TBC1D25: variants seen among roughly 807,000 people sequenced by gnomAD.
The protein encoded by TBC1D25 is TBC1 domain family member 25, also known as 5SN3 snoRNA.
A neutral mutation model predicts 38.8 loss-of-function variants in TBC1D25; 13 were observed. The observed-to-expected ratio is 0.34, with a 90% CI of 0.22 to 0.53. The LOEUF (loss-of-function observed/expected upper bound fraction) is 0.53, where lower values mean the gene tolerates loss of function less well. TBC1D25 is among the 20% of genes least tolerant of loss of function. The probability of loss-of-function intolerance (pLI) is 0.94; values close to 1 mark genes in which losing one functional copy is unlikely to be tolerated. For missense variants in TBC1D25, 372 were observed against 600.0 expected (o/e 0.62, Z 3.97); for synonymous variants, 225 against 255.6 (o/e 0.88, Z 1.14).
At chrX:48,541,240 ACCTCTCTGACTTTG>A in intron 1 of TBC1D25, 79 bp from the exon 2 acceptor site, 2 of 752,598 alleles carry the variant, frequency 2.7e-6, no homozygotes, top group Non-Finnish European at 2.1e-6. Context: ...GGCCCCTGGC[ACCTCTCTGACTTTG>A]CCTTCTACCA....
chrX:48,546,498 G>A (rs1410813261), intron 3 of TBC1D25, among the ~76,000 whole-genome samples: 1 of 111,199 alleles, frequency 9.0e-6, no homozygotes, highest in Non-Finnish European at 1.9e-5. Flanking sequence ...GGGCAACAGA[G>A]CAAGACTCCA....
chrX:48,560,676 C>G lies in TBC1D25; in HGVS notation c.1768C>G (p.Pro590Ala). 8.3e-7 allele frequency: 1 copy of G among 1,211,768 alleles called. No homozygotes were observed. The highest frequency in any genetic ancestry group is 1.1e-6 in the Non-Finnish European group (1 of 895,494). ...CCCCTTGATGCAAGAGGTAGGCTCCCCGAAAGACCCTGGAAAGTCCCTGCC... is the reference window on the plus strand; with the variant it reads ...CCCCTTGATGCAAGAGGTAGGCTCCGCGAAAGACCCTGGAAAGTCCCTGCC... ...GSPLMQEVGS[P>A]KDPGKSLPPV... The change falls in exon 6 of 6, where the codon CCG becomes GCG. Residue 590 changes from proline to alanine, a missense_variant. By Grantham distance (27) the Pro-to-Ala change is conservative (BLOSUM62 -1). Around this residue, in one of 2 missense-constraint regions of TBC1D25, gnomAD observed 312 missense variants for 549.3 expected, o/e 0.57. Transcript: ENST00000376771.
At chrX:48,557,764 G>T (rs58590285) in intron 3 of TBC1D25, among the ~76,000 whole-genome samples, 13,998 of 104,787 alleles carry the variant, frequency 0.13, 2,112 homozygotes, top group African/African-American at 0.43. Context: ...AGCCAAGATT[G>T]CACCACTGCA....
intron 3 of TBC1D25, among the ~76,000 whole-genome samples, chrX:48,550,486 T>G (rs2061921678): frequency 9.1e-6 from 1 of 109,575 alleles, no homozygotes; most frequent in African/African-American, 3.3e-5. Context: ...CAAATTTTTT[T>G]TTTTTTTTGA....
At position 48,559,334 on chromosome X, in the gene TBC1D25, C is replaced by T. The variant is rs782238228; in HGVS notation, c.693C>T (p.Pro231=). The T allele has an allele frequency of 1.7e-6, 2 of 1,208,112 alleles. No homozygotes were observed. Among genetic ancestry groups the T allele is most frequent in the Non-Finnish European group, 2.2e-6 (2 of 893,707 alleles). Residue 231 remains proline (P), a synonymous_variant, in exon 5 of 6, where the codon CCC becomes CCT. Transcript: ENST00000376771. ...RLRIYHGGVE[P]SLRKVVWRYL... is the part of the protein sequence containing the mutation. The stretch of plus-strand genomic sequence containing the variant: ...GGATCTATCATGGCGGTGTGGAGCC[C>T]TCGCTGCGAAAGGTGAGCATCCTCA...
intron 1 of TBC1D25, among the ~76,000 whole-genome samples, 172 bp downstream of exon 1, chrX:48,540,092 C>T (rs1371464713): frequency 6.4e-5 from 7 of 110,168 alleles, no homozygotes; most frequent in African/African-American, 2.3e-4. Flanking sequence ...AGCCTGAGAG[C>T]GTTAGCGACG....
At chrX:48,557,848 G>A (rs782721435) in intron 3 of TBC1D25, among the ~76,000 whole-genome samples, 10 of 110,172 alleles carry the variant, frequency 9.1e-5, no homozygotes, top group Non-Finnish European at 1.5e-4. Flanking sequence ...AGTGGCTCAC[G>A]CCTATAATCC....
At chrX:48,550,692 C>T (rs2061924522) in intron 3 of TBC1D25, among the ~76,000 whole-genome samples, 1 of 105,244 alleles carries the variant, frequency 9.5e-6, no homozygotes, top group Non-Finnish European at 1.9e-5. Context: ...TGGAGTCTTG[C>T]TCTGTCGCCC....
Position 48,561,732 on chromosome X carries a change from A to C in TBC1D25, c.*757A>C, listed in dbSNP as rs2062028824. 1 of 112,636 alleles carries C rather than the reference A, an allele frequency of 8.9e-6. No individual in the cohort carries two copies. 9.3% of individuals were successfully genotyped at this position (112,636 alleles called of 1,213,427 possible). On this transcript the variant is annotated 3_prime_UTR_variant, in exon 6 of 6. Coordinates refer to ENST00000376771, the MANE Select transcript of TBC1D25 (RefSeq NM_002536.4). ...GACAGGTACCGTGCAGATGTTAACA[A>C]GGTTTGAGCGAGGTGCATCTCACAC...
chrX:48,539,740 G>T lies in TBC1D25; in HGVS notation c.-58G>T. Reference sequence around the variant, plus strand: ...GGGCGGCGGGCGTCAGTACAGTAGAGTGTGCGCCGGGGTGGGGGGCAACGG... The same window carrying T: ...GGGCGGCGGGCGTCAGTACAGTAGATTGTGCGCCGGGGTGGGGGGCAACGG... On this transcript the variant is annotated 5_prime_UTR_variant, in exon 1 of 6. Coordinates refer to ENST00000376771, the MANE Select transcript of TBC1D25 (RefSeq NM_002536.4). 2.1e-6 allele frequency: 2 copies of T among 943,869 alleles called. No homozygotes were observed. The highest frequency in any genetic ancestry group is 2.0e-5 in the African/African-American group (1 of 49,283). 77.8% of individuals were successfully genotyped at this position (943,869 alleles called of 1,213,427 possible).
intron 3 of TBC1D25, among the ~76,000 whole-genome samples, chrX:48,546,469 C>T (rs1602105221): frequency 9.5e-6 from 1 of 105,641 alleles, no homozygotes; most frequent in Non-Finnish European, 2.0e-5. Context: ...GCCAAGATCG[C>T]ACCACTGCAC....
chrX:48,542,317 C>G (rs868982053), intron 2 of TBC1D25, among the ~76,000 whole-genome samples: 12 of 107,804 alleles, frequency 1.1e-4, no homozygotes, highest in Admixed American at 2.0e-4. Flanking sequence ...TACAGGCACG[C>G]ACCACCACGC....
In TBC1D25 at chrX:48,560,732, C is replaced by G. The variant is rs201651009; in HGVS notation, c.1824C>G (p.Pro608=). ...TACCACCAATGGGCCTGCCCCCACC[C>G]CAGGAGTTTGGCCGGGGGAACCCAT... ...PPVPPMGLPP[P]QEFGRGNPFM... Residue 608 remains proline (P), a synonymous_variant, in exon 6 of 6, where the codon CCC becomes CCG. Transcript: ENST00000376771. The G allele has an allele frequency of 4.1e-6, 5 of 1,210,208 alleles. No individual in the cohort carries two copies. The highest frequency in any genetic ancestry group is 5.6e-6 in the Non-Finnish European group (5 of 895,048).
At chrX:48,551,359 C>G (rs1556983205) in intron 3 of TBC1D25, among the ~76,000 whole-genome samples, 1 of 111,469 alleles carries the variant, frequency 9.0e-6, no homozygotes, top group Non-Finnish European at 1.9e-5. Flanking sequence ...TTTTTTGAGA[C>G]ACTCTGTTGC....
At chrX:48,546,624 T>C (rs2061889187) in intron 3 of TBC1D25, among the ~76,000 whole-genome samples, 1 of 112,227 alleles carries the variant, frequency 8.9e-6, no homozygotes, top group Non-Finnish European at 1.9e-5. Context: ...TATGATCACA[T>C]TGGTAATTAA....
intron 1 of TBC1D25, 149 bp from the exon 2 acceptor site, chrX:48,541,184 C>T: frequency 2.0e-6 from 1 of 508,066 alleles, no homozygotes; most frequent in Non-Finnish European, 3.5e-6. Flanking sequence ...CTTGCAGTAG[C>T]CTCCTCCTCA....
intron 3 of TBC1D25, 55 bp downstream of exon 3, chrX:48,545,078 G>T (rs2061872404): frequency 1.7e-6 from 2 of 1,179,499 alleles, no homozygotes; most frequent in Non-Finnish European, 2.3e-6. Flanking sequence ...ACCCCATAGG[G>T]TGATGCTACC....
intron 3 of TBC1D25, among the ~76,000 whole-genome samples, chrX:48,551,657 A>G (rs2061934614): frequency 1.1e-5 from 1 of 88,201 alleles, no homozygotes; most frequent in Non-Finnish European, 2.2e-5. Flanking sequence ...GGAGTCTCAC[A>G]TTGTTGCCCA....
chrX:48,552,127 A>C (rs1556983441), intron 3 of TBC1D25, among the ~76,000 whole-genome samples: 1 of 111,213 alleles, frequency 9.0e-6, no homozygotes, highest in African/African-American at 3.3e-5. Flanking sequence ...TATGTCTCTC[A>C]TACCTCTCGT....
Sources: gnomAD v4.1 joint callset for allele counts (sites outside exome capture counted in the v4.1 genomes callset) on GRCh38, gnomAD v4.1.1 for gene constraint, gnomAD v4.1.1 regional missense constraint, MANE v1.5 for transcripts, NCBI Gene and HGNC (gene_info 2026-07-23, HGNC 2026-07-21) for gene names.